Variants in AMPD3 observed in about 807,000 individuals in gnomAD.
The protein encoded by AMPD3 is AMP deaminase 3.
AMPD3 carries 57 observed loss-of-function variants against 82.3 expected under a neutral mutation model. The ratio of observed to expected loss-of-function variants is 0.69; its 90% CI spans 0.56 to 0.86. The LOEUF is 0.86. Among genes scored for constraint, AMPD3 ranks in the 40% least tolerant of loss-of-function variants. The pLI, the probability that AMPD3 is intolerant of heterozygous loss-of-function variation, is 0.00. For missense variants in AMPD3, 870 were observed against 1,003.8 expected (o/e 0.87, Z 1.80); for synonymous variants, 381 against 394.7 (o/e 0.97, Z 0.41).
chr11:10,500,849 A>C lies in AMPD3; in HGVS notation c.1721+600A>C, dbSNP rs565976532. ...AGTTAGCTGCCCAGGGCAGCAGGAC[A>C]CTGAGCCATTCCCTTCCCTACAAGT... On this transcript the variant is annotated intron_variant, in intron 11 of 14. Coordinates refer to ENST00000396553, the MANE Select transcript of AMPD3 (RefSeq NM_001025389.2). 1.2e-3 allele frequency: 1,197 copies of C among 985,418 alleles called. 1 individual carries two copies. Among genetic ancestry groups the C allele is most frequent in the South Asian group, 3.9e-3 (82 of 21,288 alleles). The allele number at this position is 985,418 out of a possible 1,614,324, so 61.0% of individuals were successfully genotyped here.
chr11:10,496,260 C>G (rs1447242475), intron 9 of AMPD3: 13 of 985,260 alleles, frequency 1.3e-5, no homozygotes, highest in Non-Finnish European at 1.4e-5. Flanking sequence ...GTGCAAAGGC[C>G]TTGGGGGAAC....
chr11:10,456,449 C>A lies in AMPD3; in HGVS notation c.-6+1001C>A, dbSNP rs748850179. On this transcript the variant is annotated intron_variant, in intron 1 of 14. Coordinates refer to ENST00000396553, the MANE Select transcript of AMPD3 (RefSeq NM_001025389.2). This position sits in a 1 kb window ranked among gnomAD's most constrained non-coding sequence, Gnocchi z 4.3. ...AGGGGAGTCTGGCAAGAGTAGGAAC[C>A]AGCTTCCTTCGTATAACGAGGGGAT... 5.0e-6 allele frequency: 8 copies of A among 1,613,644 alleles called. No homozygotes were observed. The highest frequency in any genetic ancestry group is 1.7e-5 in the Admixed American group (1 of 60,000).
At chr11:10,486,992 C>A (rs1849090422) in intron 5 of AMPD3, 2 of 985,372 alleles carry the variant, frequency 2.0e-6, no homozygotes, top group Non-Finnish European at 2.4e-6. Context: ...AGTCAAAACA[C>A]CTGTATGAGG....
At chr11:10,499,564 C>G in intron 10 of AMPD3, 2 of 746,130 alleles carry the variant, frequency 2.7e-6, no homozygotes, top group Non-Finnish European at 3.3e-6. Flanking sequence ...CCCTGGTTTG[C>G]TCAATTGTAA....
chr11:10,501,639 G>A, intron 12 of AMPD3, 49 bp downstream of exon 12: 1 of 1,613,796 alleles, frequency 6.2e-7, no homozygotes, highest in East Asian at 2.2e-5. Flanking sequence ...GCCCTGCCCT[G>A]GGCTCCTGGG....
intron 2 of AMPD3, among the ~76,000 whole-genome samples, chr11:10,470,673 A>G (rs886640097): frequency 2.0e-5 from 3 of 152,242 alleles, no homozygotes; most frequent in Non-Finnish European, 4.4e-5. Flanking sequence ...TACTAATAAC[A>G]GACAAACAGC....
chr11:10,470,479 A>G (rs968375066), intron 2 of AMPD3, among the ~76,000 whole-genome samples: 1 of 152,212 alleles, frequency 6.6e-6, no homozygotes, highest in African/African-American at 2.4e-5. Context: ...ATCAGGCAAG[A>G]GAAAGAAATA....
chr11:10,502,936 C>G (rs1849619824), intron 13 of AMPD3, 42 bp downstream of exon 13: 1 of 1,596,128 alleles, frequency 6.3e-7, no homozygotes, highest in East Asian at 2.2e-5. Flanking sequence ...TCAGTAGGCA[C>G]CAGTCCTAGC....
intron 4 of AMPD3, 44 bp downstream of exon 4, chr11:10,482,269 C>T (rs370369013): frequency 7.5e-6 from 12 of 1,601,984 alleles, no homozygotes; most frequent in Non-Finnish European, 1.0e-5. Context: ...TGTGGGCAGA[C>T]CGAGAGCTAG....
intron 2 of AMPD3, among the ~76,000 whole-genome samples, chr11:10,469,372 A>G (rs1848516334): frequency 1.3e-5 from 2 of 152,240 alleles, no homozygotes; most frequent in South Asian, 4.1e-4. Flanking sequence ...AAACACCTCT[A>G]TGCAAATAAA....
At chr11:10,500,840 C>T (rs989899319) in intron 11 of AMPD3, 1 of 985,340 alleles carries the variant, frequency 1.0e-6, no homozygotes, top group African/African-American at 1.7e-5. Flanking sequence ...CTGCCCAGGG[C>T]AGCAGGACAC....
upstream of AMPD3, among the ~76,000 whole-genome samples, chr11:10,452,856 C>T (rs182883508): frequency 6.6e-5 from 10 of 152,248 alleles, no homozygotes; most frequent in African/African-American, 1.7e-4. Context: ...GGAATAAAAC[C>T]GAGCCACAGA....
intron 11 of AMPD3, chr11:10,500,607 T>C: frequency 1.0e-6 from 1 of 985,414 alleles, no homozygotes; most frequent in Non-Finnish European, 1.2e-6. Context: ...AATGGAAGCA[T>C]AGGACATGCT....
chr11:10,495,381 C>A, intron 8 of AMPD3, 189 bp from the exon 9 acceptor site: 2 of 984,616 alleles, frequency 2.0e-6, no homozygotes, highest in South Asian at 4.7e-5. Context: ...GCCTTCCTCA[C>A]CAGAGGGGGC....
rs756412276 is a variant in AMPD3 at position 10,485,052 on chromosome 11, C to T, written c.809+13C>T. 6.2e-7 allele frequency: 1 copy of T among 1,608,202 alleles called. No homozygotes were observed. On this transcript the variant is annotated intron_variant, in intron 5 of 14. Transcript: ENST00000396553. Reference sequence around the variant, plus strand: ...CCGATGGCCCCACGTAAGCTAGCTTCTCCGCGGCTGCCTGTCTTTGCACAG... The same window carrying T: ...CCGATGGCCCCACGTAAGCTAGCTTTTCCGCGGCTGCCTGTCTTTGCACAG...
rs12284970 is a variant in AMPD3 at position 10,463,451 on chromosome 11, G to A, written c.221+1711G>A. 5.8e-3 allele frequency among the ~76,000 whole-genome samples: 876 copies of A among 152,316 alleles called. 4 individuals carry two copies. Among genetic ancestry groups the A allele is most frequent in the African/African-American group, 0.02 (832 of 41,562 alleles). The stretch of plus-strand genomic sequence containing the variant: ...GCTCATCCCTGGAGGGTCAAGAAGA[G>A]TATGACTGTAGAGACCCTCATTCAC... On this transcript the variant is annotated intron_variant, in intron 2 of 14. Transcript: ENST00000396553.
At chr11:10,481,956 A>T in intron 3 of AMPD3, 107 bp from the exon 4 acceptor site, 2 of 1,376,376 alleles carry the variant, frequency 1.5e-6, no homozygotes, top group Non-Finnish European at 2.1e-6. Context: ...CCTGAAATCT[A>T]GGTTCCCAGA....
chr11:10,495,723 C>T lies in AMPD3; in HGVS notation c.1420C>T (p.Pro474Ser), dbSNP rs1849376630. Residue 474 changes from proline to serine, a missense_variant, in exon 9 of 15, where the codon CCC (proline) becomes TCC (serine). Transcript: ENST00000396553. ...CAACATGCGCTGGATCATCCAGGTGCCCCGGATTTAGTAAGTGAGGTGGCC... is the reference window on the plus strand; with the variant it reads ...CAACATGCGCTGGATCATCCAGGTGTCCCGGATTTAGTAAGTGAGGTGGCC... ...SPNMRWIIQV[P>S]RIYDIFRSKK... 5 of 1,613,946 alleles carry T rather than the reference C, an allele frequency of 3.1e-6. No individual in the cohort carries two copies. Among genetic ancestry groups the T allele is most frequent in the Non-Finnish European group, 3.4e-6 (4 of 1,180,030 alleles).
intron 3 of AMPD3, among the ~76,000 whole-genome samples, chr11:10,480,488 T>C (rs972102943): frequency 6.6e-6 from 1 of 152,130 alleles, no homozygotes; most frequent in Non-Finnish European, 1.5e-5. Context: ...GAATCTACCA[T>C]CGTAACAAAA....
Sources: gnomAD v4.1 joint callset for allele counts (sites outside exome capture counted in the v4.1 genomes callset) on GRCh38, gnomAD v4.1.1 for gene constraint, Gnocchi (gnomAD v3.1) non-coding constraint, MANE v1.5 for transcripts, NCBI Gene and HGNC (gene_info 2026-07-23, HGNC 2026-07-21) for gene names.